MAP7: variants seen among roughly 807,000 people sequenced by gnomAD.
MAP7 encodes ensconsin.
In MAP7, 52 loss-of-function variants were observed where a neutral mutation model predicts 94.8. The ratio of observed to expected loss-of-function variants is 0.55; its 90% CI spans 0.44 to 0.69. The LOEUF (loss-of-function observed/expected upper bound fraction) is 0.69. Ranked by LOEUF, MAP7 falls within the 30% of genes least tolerant of loss-of-function variation. The pLI, the probability that MAP7 is intolerant of heterozygous loss-of-function variation, is 0.00. For missense variants in MAP7, 940 were observed against 964.6 expected (o/e 0.97, Z 0.34); for synonymous variants, 350 against 357.0 (o/e 0.98, Z 0.22).
At chr6:136,546,950 A>T (rs1562498098) in intron 1 of MAP7, among the ~76,000 whole-genome samples, 1 of 152,242 alleles carries the variant, frequency 6.6e-6, no homozygotes, top group Non-Finnish European at 1.5e-5. Context: ...GCCTAGTCTA[A>T]TAATAACGTT....
At chr6:136,508,894 A>T (rs931866066) in intron 1 of MAP7, among the ~76,000 whole-genome samples, 6 of 152,250 alleles carry the variant, frequency 3.9e-5, no homozygotes, top group Admixed American at 3.9e-4. Context: ...AATGATTATG[A>T]CAGTAAGTGT....
At chr6:136,528,215 C>T (rs945407339) in intron 1 of MAP7, among the ~76,000 whole-genome samples, 4 of 152,098 alleles carry the variant, frequency 2.6e-5, no homozygotes, top group Non-Finnish European at 4.4e-5. Context: ...AATCCTAGAT[C>T]GATCTCCAAT....
chr6:136,513,578 T>TG (rs1823875470), intron 1 of MAP7, among the ~76,000 whole-genome samples: 1 of 152,202 alleles, frequency 6.6e-6, no homozygotes, highest in African/African-American at 2.4e-5. Context: ...TCATGAAGGT[T>TG]GGGGTCAACT....
intron 6 of MAP7, among the ~76,000 whole-genome samples, chr6:136,383,066 A>G (rs1050760001): frequency 2.0e-5 from 3 of 152,214 alleles, no homozygotes; most frequent in African/African-American, 7.2e-5. Flanking sequence ...ACAAGATGTT[A>G]ATAAAGGACT....
Position 136,420,511 on chromosome 6 carries a change from G to A in MAP7, c.166+1190C>T, listed in dbSNP as rs185802594. The A allele has an allele frequency of 7.3e-5, 24 of 328,258 alleles. No individual in the cohort carries two copies. The East Asian group carries it at 1.0e-3, about 14-fold the overall frequency. 20.3% of individuals were successfully genotyped at this position (328,258 alleles called of 1,614,324 possible). On this transcript the variant is annotated intron_variant, in intron 2 of 17. Transcript: ENST00000354570. ...ATAAAGGTCCACTAGAATAAGCTGC[G>A]TGGGGACAGGGTTCATGTTGTTTGC... is the stretch of plus-strand genomic sequence containing the variant.
At chr6:136,443,175 G>C (rs1798355627) in intron 1 of MAP7, among the ~76,000 whole-genome samples, 1 of 152,096 alleles carries the variant, frequency 6.6e-6, no homozygotes, top group Non-Finnish European at 1.5e-5. Flanking sequence ...CACCTTTTGA[G>C]ATACCTGAAA....
intron 7 of MAP7, among the ~76,000 whole-genome samples, chr6:136,375,999 C>T (rs1335550879): frequency 6.6e-6 from 1 of 152,178 alleles, no homozygotes; most frequent in Non-Finnish European, 1.5e-5. Context: ...AAGACAATTT[C>T]CCAGCTGTGA....
At chr6:136,475,170 G>A (rs1810463288) in intron 1 of MAP7, among the ~76,000 whole-genome samples, 1 of 152,122 alleles carries the variant, frequency 6.6e-6, no homozygotes, top group Non-Finnish European at 1.5e-5. Flanking sequence ...AGATTGTAAG[G>A]GGAATTAGTA....
rs533482936 is a variant in MAP7 at position 136,407,729 on chromosome 6, G to C, written c.244+3891C>G. Among the ~76,000 whole-genome samples the C allele has an allele frequency of 1.1e-3, 175 of 152,340 alleles. 1 individual carries two copies. Among genetic ancestry groups the C allele is most frequent in the South Asian group, 2.9e-3 (14 of 4,822 alleles). On this transcript the variant is annotated intron_variant, in intron 3 of 17. Coordinates refer to ENST00000354570, the MANE Select transcript of MAP7 (RefSeq NM_003980.6). The stretch of plus-strand genomic sequence containing the variant: ...TAGCTACAAGTGGCCCAATATGCCA[G>C]GATGGAGACCAGTCAGTGGACAGTA...
intron 3 of MAP7, among the ~76,000 whole-genome samples, chr6:136,404,868 G>A (rs1399823725): frequency 1.3e-5 from 2 of 152,064 alleles, no homozygotes; most frequent in Non-Finnish European, 2.9e-5. Flanking sequence ...CTTTCTTGTC[G>A]ACATATTGTA....
intron 1 of MAP7, among the ~76,000 whole-genome samples, chr6:136,528,159 G>A (rs1238489483): frequency 6.6e-6 from 1 of 152,158 alleles, no homozygotes; most frequent in African/African-American, 2.4e-5. Context: ...CTTCCTCCTA[G>A]TCCAGTGCTT....
chr6:136,452,011 A>G (rs1801273579), intron 1 of MAP7, among the ~76,000 whole-genome samples: 1 of 152,178 alleles, frequency 6.6e-6, no homozygotes, highest in Non-Finnish European at 1.5e-5. Context: ...CCTGGCCAAC[A>G]TGGCAAAACA....
chr6:136,493,237 C>T (rs1459765393), intron 1 of MAP7, among the ~76,000 whole-genome samples: 2 of 151,656 alleles, frequency 1.3e-5, no homozygotes, highest in Non-Finnish European at 2.9e-5. Flanking sequence ...ATTCTCCTGC[C>T]TCAGCCTCCC....
chr6:136,461,955 C>T (rs185186173), intron 1 of MAP7, among the ~76,000 whole-genome samples: 84 of 152,098 alleles, frequency 5.5e-4, no homozygotes, highest in African/African-American at 2.0e-3. Context: ...TTTTAAAAGG[C>T]CAATTGGCTT....
intron 1 of MAP7, among the ~76,000 whole-genome samples, chr6:136,515,458 G>A: frequency 6.6e-6 from 1 of 152,176 alleles, no homozygotes; most frequent in East Asian, 1.9e-4. Flanking sequence ...AGCCTATCTA[G>A]GCTTTCAACA....
chr6:136,549,604 C>A (rs1023220592), intron 1 of MAP7, among the ~76,000 whole-genome samples: 1 of 152,184 alleles, frequency 6.6e-6, no homozygotes, highest in African/African-American at 2.4e-5. Context: ...AACACAGAGG[C>A]CTGACCACCA....
At chr6:136,541,813 C>A (rs1054566096) in intron 1 of MAP7, among the ~76,000 whole-genome samples, 2 of 152,316 alleles carry the variant, frequency 1.3e-5, no homozygotes, top group East Asian at 1.9e-4. Context: ...AATTCCAGCA[C>A]TTTAGGAGGC....
intron 1 of MAP7, among the ~76,000 whole-genome samples, chr6:136,508,587 G>A (rs1822286802): frequency 6.6e-6 from 1 of 152,184 alleles, no homozygotes; most frequent in Non-Finnish European, 1.5e-5. Flanking sequence ...ATACAGGGAT[G>A]CCTGCTTCTC....
chr6:136,488,164 A>T (rs992596016), intron 1 of MAP7, among the ~76,000 whole-genome samples: 3 of 152,156 alleles, frequency 2.0e-5, no homozygotes, highest in Admixed American at 2.0e-4. Flanking sequence ...TTTGGGAAAA[A>T]CCATATGCTA....
Sources: allele counts gnomAD v4.1 joint callset (sites outside exome capture counted in the v4.1 genomes callset), GRCh38; gene constraint gnomAD v4.1.1; transcripts MANE v1.5; gene names NCBI Gene and HGNC (gene_info 2026-07-23, HGNC 2026-07-21).